The following FLYWCH2 variants were observed in gnomAD, a reference collection of about 807,000 sequenced individuals.
FLYWCH2 encodes FLYWCH family member 2.
Under a neutral mutation model 6.0 loss-of-function variants are expected in FLYWCH2, and 2 were observed. The ratio of observed to expected loss-of-function variants is 0.33; its 90% CI spans 0.14 to 1.04. The LOEUF (loss-of-function observed/expected upper bound fraction) is 1.04. Ranked by LOEUF, FLYWCH2 falls within the 50% of genes least tolerant of loss-of-function variation. The probability of loss-of-function intolerance (pLI) is 0.45; values close to 1 mark genes in which losing one functional copy is unlikely to be tolerated. For missense variants in FLYWCH2, 192 were observed against 183.4 expected, an observed-to-expected ratio of 1.05 and a Z score of -0.27; for synonymous variants, 87 against 79.3, an observed-to-expected ratio of 1.10 and a Z score of -0.52.
intron 1 of FLYWCH2, among the ~76,000 whole-genome samples, chr16:2,888,645 C>T (rs1173723256): frequency 6.6e-6 from 1 of 152,096 alleles, no homozygotes. Flanking sequence ...TCATGATCTT[C>T]TTGGGGAACC....
At chr16:2,896,005 C>A (rs1375428193) in intron 2 of FLYWCH2, among the ~76,000 whole-genome samples, 1 of 152,200 alleles carries the variant, frequency 6.6e-6, no homozygotes. Flanking sequence ...GGAGGTGGGA[C>A]TGGAAACAGT....
At chr16:2,890,279 C>T (rs1357393436) in intron 1 of FLYWCH2, among the ~76,000 whole-genome samples, 2 of 149,786 alleles carry the variant, frequency 1.3e-5, no homozygotes, top group Non-Finnish European at 3.0e-5. Context: ...GTTGGAGTCT[C>T]GCTCTGTTGC....
chr16:2,885,710 A>G (rs1023831276), intron 1 of FLYWCH2, among the ~76,000 whole-genome samples: 3 of 152,192 alleles, frequency 2.0e-5, no homozygotes, highest in Non-Finnish European at 4.4e-5. Flanking sequence ...GTACTTATTC[A>G]TTCATCCATT....
rs776680927 is a variant in FLYWCH2 at position 2,896,714 on chromosome 16, C to T, written c.265C>T (p.Arg89Trp). 8.7e-6 allele frequency: 14 copies of T among 1,612,276 alleles called. No individual in the cohort carries two copies. The highest frequency in any genetic ancestry group is 5.5e-5 in the South Asian group (5 of 91,072). ...CCTCCAGACCCACCCCGAGGCCCAG[C>T]GGGCCATTGAGGCAGCCCCTCAGGA... Reference protein sequence around the residue: ...ALLQTHPEAQRAIEAAPQEPE... With the variant: ...ALLQTHPEAQWAIEAAPQEPE... Residue 89 changes from arginine to tryptophan, a missense_variant, in exon 3 of 4, where the codon CGG becomes TGG. Arg to Trp is a moderately radical substitution (Grantham distance 101, BLOSUM62 -3). Transcript: ENST00000396958.
At chr16:2,884,955 C>A (rs568791423) in intron 1 of FLYWCH2, among the ~76,000 whole-genome samples, 1 of 152,076 alleles carries the variant, frequency 6.6e-6, no homozygotes, top group Non-Finnish European at 1.5e-5. Context: ...TGTTCATAGA[C>A]TCAATTTACC....
intron 3 of FLYWCH2, among the ~76,000 whole-genome samples, chr16:2,897,820 GA>G (rs2069840511): frequency 1.3e-5 from 2 of 152,222 alleles, no homozygotes; most frequent in Admixed American, 1.3e-4. Flanking sequence ...TTTTGAACTG[GA>G]AGTTCCAGGG....
intron 1 of FLYWCH2, among the ~76,000 whole-genome samples, 186 bp downstream of exon 1, chr16:2,883,552 C>T (rs957485297): frequency 7.9e-5 from 12 of 152,186 alleles, no homozygotes; most frequent in African/African-American, 2.7e-4. Flanking sequence ...CCTTCCCCAC[C>T]CCCTCCAGTC....
chr16:2,891,387 C>A (rs1449108300), intron 1 of FLYWCH2, among the ~76,000 whole-genome samples: 3 of 152,154 alleles, frequency 2.0e-5, no homozygotes, highest in African/African-American at 7.2e-5. Context: ...GGTTCTCTCT[C>A]TCTCTATTTT....
intron 1 of FLYWCH2, among the ~76,000 whole-genome samples, chr16:2,890,221 TG>T (rs1259201941): frequency 1.1e-4 from 12 of 105,348 alleles, no homozygotes; most frequent in African/African-American, 4.3e-4. Context: ...TGTGTTTTTT[TG>T]TTTTTGTTTT....
At chr16:2,894,196 T>C (rs1439900419) in intron 1 of FLYWCH2, among the ~76,000 whole-genome samples, 3 of 152,136 alleles carry the variant, frequency 2.0e-5, no homozygotes, top group African/African-American at 7.2e-5. Context: ...TCTGGGTCCC[T>C]GCCAGCCTTG....
chr16:2,897,345 C>G (rs1859254), intron 3 of FLYWCH2, among the ~76,000 whole-genome samples: 15 of 152,292 alleles, frequency 9.8e-5, no homozygotes, highest in Admixed American at 7.8e-4. Flanking sequence ...AATCACCCCC[C>G]ACCAAGCCTC....
chr16:2,896,664 G>A lies in FLYWCH2; in HGVS notation c.215G>A (p.Gly72Asp). The change falls in exon 3 of 4, where the codon GGC becomes GAC. Residue 72 changes from glycine to aspartate, a missense_variant. Physicochemically the swap from Gly to Asp is moderately conservative, Grantham distance 94. Coordinates refer to ENST00000396958, the MANE Select transcript of FLYWCH2 (RefSeq NM_138439.3). ...VHCVMSLGVP[G>D]PATLAKALLQ... is the part of the protein sequence containing the mutation. ...TGTGTCATGTCCCTGGGGGTGCCCGGCCCCGCCACCCTTGCCAAGGCCCTC... is the reference window on the plus strand; with the variant it reads ...TGTGTCATGTCCCTGGGGGTGCCCGACCCCGCCACCCTTGCCAAGGCCCTC... 6.2e-7 allele frequency: 1 copy of A among 1,613,180 alleles called. No homozygotes were observed. The highest frequency in any genetic ancestry group is 8.5e-7 in the Non-Finnish European group (1 of 1,179,846).
chr16:2,891,718 TATTTA>T (rs894114450), intron 1 of FLYWCH2, among the ~76,000 whole-genome samples: 3 of 151,624 alleles, frequency 2.0e-5, no homozygotes, highest in African/African-American at 7.3e-5. Flanking sequence ...TCTTTTATTT[TATTTA>T]ATTTGTTTAT....
In FLYWCH2 at chr16:2,896,352, G is replaced by C; in HGVS notation, c.-98G>C. 7.0e-7 allele frequency: 1 copy of C among 1,432,360 alleles called. No homozygotes were observed. The highest frequency in any genetic ancestry group is 9.2e-7 in the Non-Finnish European group (1 of 1,085,228). 88.7% of individuals were successfully genotyped at this position (1,432,360 alleles called of 1,614,324 possible). On this transcript the variant is annotated splice_region_variant and 5_prime_UTR_variant, in exon 3 of 4. Transcript: ENST00000396958. ...GACGGGATTTTGCTTCCTTCCTTAG[G>C]ACGGAACCGCTGGACTCCAGGTTCC... is the stretch of plus-strand genomic sequence containing the variant.
downstream of FLYWCH2, chr16:2,899,372 G>A: frequency 2.4e-6 from 1 of 421,670 alleles, no homozygotes; most frequent in African/African-American, 2.1e-5. Flanking sequence ...ATAATGGGCA[G>A]GTTTTAAACA....
In FLYWCH2 at chr16:2,884,571, A is replaced by AAAAAAAAAAAAAC. The variant is rs1567301732; in HGVS notation, c.-200+1211_-200+1212insAAAAAACAAAAAA. On this transcript the variant is annotated intron_variant, in intron 1 of 3. Coordinates refer to ENST00000396958, the MANE Select transcript of FLYWCH2 (RefSeq NM_138439.3). ...CCCCGTCTCTACTAAAAAAAAAAAA[A>AAAAAAAAAAAAAC]AAAAAATACAAAAATTAGTCGGGGC... 1.1e-4 allele frequency among the ~76,000 whole-genome samples: 16 copies of AAAAAAAAAAAAAC among 144,630 alleles called. No homozygotes were observed. In the East Asian group the frequency reaches 1.6e-3, roughly 14 times the overall value. 94.9% of individuals were successfully genotyped at this position (144,630 alleles called of 152,430 possible). A position where few individuals can be genotyped will look rare whatever the true frequency, so the allele number is the denominator to read the frequency against.
At chr16:2,891,328 G>A (rs1359576930) in intron 1 of FLYWCH2, among the ~76,000 whole-genome samples, 1 of 152,192 alleles carries the variant, frequency 6.6e-6, no homozygotes, top group Non-Finnish European at 1.5e-5. Context: ...ATGTGGCTCT[G>A]GGCAGATCAC....
chr16:2,898,671 G>C (rs1302723658), intron 3 of FLYWCH2: 1 of 184,276 alleles, frequency 5.4e-6, no homozygotes, highest in African/African-American at 2.4e-5. Flanking sequence ...CCAGATGAAA[G>C]GCAGAGCAGG....
At chr16:2,885,337 A>AC (rs1421347688) in intron 1 of FLYWCH2, among the ~76,000 whole-genome samples, 7 of 41,648 alleles carry the variant, frequency 1.7e-4, no homozygotes, top group African/African-American at 6.2e-4. Flanking sequence ...AACAAAACAA[A>AC]AAAAAAAATA....
Sources: allele counts gnomAD v4.1 joint callset (sites outside exome capture counted in the v4.1 genomes callset), GRCh38; gene constraint gnomAD v4.1.1; transcripts MANE v1.5; gene names NCBI Gene and HGNC (gene_info 2026-07-23, HGNC 2026-07-21).